The following MYH3 variants were observed in gnomAD, a reference collection of about 807,000 sequenced individuals.
MYH3 encodes the protein myosin-3.
MYH3 carries 130 observed loss-of-function variants against 238.0 expected under a neutral mutation model. The ratio of observed to expected loss-of-function variants is 0.55; its 90% CI spans 0.47 to 0.63. The LOEUF (loss-of-function observed/expected upper bound fraction) is 0.63, where lower values mean the gene tolerates loss of function less well. Among genes scored for constraint, MYH3 ranks in the 30% least tolerant of loss-of-function variants. MYH3 has a pLI of 0.00. For synonymous variants in MYH3, 880 were observed against 924.1 expected (o/e 0.95, Z 0.86); for missense variants, 1,853 against 2,374.9 (o/e 0.78, Z 4.57).
In MYH3 at chr17:10,642,096, A is replaced by T; in HGVS notation, c.1959+144T>A. On this transcript the variant is annotated intron_variant, in intron 17 of 40. Transcript: ENST00000583535. This position sits in a 1 kb window ranked among gnomAD's most constrained non-coding sequence, Gnocchi z 5.4. ...GGTTAGACCGTATTTATTATATTTT[A>T]TCATCTGTCACTTCACCTCAGTGAC... 1 of 745,452 alleles carries T rather than the reference A, an allele frequency of 1.3e-6. No individual in the cohort carries two copies. Among genetic ancestry groups the T allele is most frequent in the Non-Finnish European group, 2.3e-6 (1 of 431,554 alleles). 46.2% of individuals were successfully genotyped at this position (745,452 alleles called of 1,614,324 possible).
Position 10,638,036 on chromosome 17 carries a change from G to A in MYH3, c.3729+7C>T, listed in dbSNP as rs201166774. Reference sequence around the variant, plus strand: ...AAGCCTTGAGCCACCCCCACCCCGCGCAGCACCTTAGATTTCGACACACTC... The same window carrying A: ...AAGCCTTGAGCCACCCCCACCCCGCACAGCACCTTAGATTTCGACACACTC... On this transcript the variant is annotated splice_region_variant and intron_variant, in intron 27 of 40. Transcript: ENST00000583535. 123 of 1,612,854 alleles carry A rather than the reference G, an allele frequency of 7.6e-5. No individual in the cohort carries two copies. In the East Asian group the frequency reaches 2.3e-3, roughly 30 times the overall value.
In MYH3 at chr17:10,631,957, C is replaced by T. The variant is rs2074164756; in HGVS notation, c.5016G>A (p.Leu1672=). ...LRGQEDLKEQ[L]AIVERRANLL... is the part of the protein sequence containing the mutation. ...GGTTGGCTCTGCGCTCCACAATCGC[C>T]AGCTGCTCCTTCAGGTCCTCCTGGC... Residue 1672 remains leucine (L), a synonymous_variant, in exon 35 of 41, where the codon CTG becomes CTA. Coordinates refer to ENST00000583535, the MANE Select transcript of MYH3 (RefSeq NM_002470.4). 1 of 1,613,974 alleles carries T rather than the reference C, an allele frequency of 6.2e-7. No individual in the cohort carries two copies.
At chr17:10,673,060 G>A in the MYH3 span, 1 of 149,434 alleles carries the variant, frequency 6.7e-6, no homozygotes, top group Non-Finnish European at 1.5e-5. Flanking sequence ...CTGGAGTGCA[G>A]TGGCATGACC....
chr17:10,658,266 T>C (rs1160773719), upstream of MYH3, among the ~76,000 whole-genome samples: 2 of 152,246 alleles, frequency 1.3e-5, no homozygotes, highest in Non-Finnish European at 2.9e-5. Flanking sequence ...TTTTTTTTTC[T>C]TGACAAATCT....
At chr17:10,655,641 C>T (rs754160836) in intron 2 of MYH3, among the ~76,000 whole-genome samples, 41 of 152,120 alleles carry the variant, frequency 2.7e-4, no homozygotes, top group Non-Finnish European at 5.6e-4. Flanking sequence ...CACCTCCTCT[C>T]CCGCCTGACC....
chr17:10,672,483 A>C, the MYH3 span: 7 of 152,314 alleles, frequency 4.6e-5, no homozygotes, highest in South Asian at 8.3e-4. Flanking sequence ...GTAATTTTTA[A>C]GTAAGGTTTA....
Position 10,634,824 on chromosome 17 carries a change from A to G in MYH3, c.4356+16T>C. The stretch of plus-strand genomic sequence containing the variant: ...TTACATCATGGCATTCACCCAGCAC[A>G]CAGCGGACCCCACACCTTGTCAAAG... On this transcript the variant is annotated intron_variant, in intron 31 of 40. Coordinates refer to ENST00000583535, the MANE Select transcript of MYH3 (RefSeq NM_002470.4). The G allele has an allele frequency of 6.2e-7, 1 of 1,614,108 alleles. No individual in the cohort carries two copies. The highest frequency in any genetic ancestry group is 8.5e-7 in the Non-Finnish European group (1 of 1,180,020).
chr17:10,632,037 A>G (rs1437835888), intron 34 of MYH3, 21 bp from the exon 35 acceptor site: 1 of 1,611,060 alleles, frequency 6.2e-7, no homozygotes, highest in Non-Finnish European at 8.5e-7. Context: ...AAAAACGAAC[A>G]TTCTATTTGA....
chr17:10,640,741 G>A, intron 19 of MYH3, 55 bp from the exon 20 acceptor site: 1 of 1,595,084 alleles, frequency 6.3e-7, no homozygotes, highest in Non-Finnish European at 8.6e-7. Flanking sequence ...ACAAACCTTG[G>A]AGAACATGTA....
chr17:10,636,111 T>A (rs1187442582), intron 28 of MYH3, among the ~76,000 whole-genome samples: 2 of 151,494 alleles, frequency 1.3e-5, no homozygotes, highest in African/African-American at 4.9e-5. Flanking sequence ...GATCACAAGG[T>A]CAGGAGTTTG....
rs1305432084 is a variant in MYH3 at position 10,641,387 on chromosome 17, A to C, written c.1960-15T>G. The C allele has an allele frequency of 6.3e-7, 1 of 1,579,774 alleles. No individual in the cohort carries two copies. The highest frequency in any genetic ancestry group is 8.7e-7 in the Non-Finnish European group (1 of 1,148,890). ...TTCAGGTTTTCCTAAGAGAAAAAAA[A>C]AATGACATTTGCCATCCTACTGTAG... On this transcript the variant is annotated splice_polypyrimidine_tract_variant and intron_variant, in intron 17 of 40. Coordinates refer to ENST00000583535, the MANE Select transcript of MYH3 (RefSeq NM_002470.4).
chr17:10,656,807 T>C (rs2074436061), intron 1 of MYH3, among the ~76,000 whole-genome samples: 3 of 152,124 alleles, frequency 2.0e-5, no homozygotes, highest in African/African-American at 4.8e-5. Context: ...GCAATATCTC[T>C]GAGATTAATT....
At chr17:10,650,057 C>T (rs1223373960) in intron 6 of MYH3, among the ~76,000 whole-genome samples, 3 of 152,108 alleles carry the variant, frequency 2.0e-5, no homozygotes, top group Admixed American at 2.0e-4. Context: ...CTGCAAGCTC[C>T]GGCTCCTGGG....
chr17:10,630,744 C>T (rs768336798), intron 36 of MYH3, among the ~76,000 whole-genome samples: 16 of 151,938 alleles, frequency 1.1e-4, no homozygotes, highest in Non-Finnish European at 1.8e-4. Context: ...CCAGCTACTC[C>T]GGAGGCTGAG....
rs771466070 is a variant in MYH3, at chr17:10,638,033, C to CG, written c.3729+9dup. On this transcript the variant is annotated intron_variant, in intron 27 of 40. Transcript: ENST00000583535. ...GGAAAGCCTTGAGCCACCCCCACCC[C>CG]GCGCAGCACCTTAGATTTCGACACA... The CG allele has an allele frequency of 1.2e-6, 2 of 1,613,990 alleles. No individual in the cohort carries two copies. The highest frequency in any genetic ancestry group is 3.3e-5 in the Admixed American group (2 of 59,980).
rs747006068 is a variant in MYH3, at chr17:10,631,874, C to T, written c.5099G>A (p.Arg1700Gln). 24 of 1,614,128 alleles carry T rather than the reference C, an allele frequency of 1.5e-5. No homozygotes were observed. Among genetic ancestry groups the T allele is most frequent in the East Asian group, 1.1e-4 (5 of 44,864 alleles). The change falls in exon 35 of 41, where the codon CGG becomes CAG. Residue 1700 changes from arginine to glutamine, a missense_variant. Physicochemically the swap from Arg to Gln is conservative, Grantham distance 43 (BLOSUM62 1). Around this residue, in one of 3 missense-constraint regions of MYH3, gnomAD observed 1,044 missense variants for 1,192.6 expected, o/e 0.88. Transcript: ENST00000583535. ...CAGGAGCTCCTGTTCCGCCAGTTTC[C>T]GGGCCCTCTCCGTCTGCTCCAGAGT... ...RATLEQTERARKLAEQELLDS... is the reference protein window; with the variant it reads ...RATLEQTERAQKLAEQELLDS...
chr17:10,646,903 C>G (rs183093040), intron 10 of MYH3, among the ~76,000 whole-genome samples: 6 of 152,172 alleles, frequency 3.9e-5, no homozygotes, highest in Non-Finnish European at 8.8e-5. Flanking sequence ...CAAAAGGTAG[C>G]CTGGTGTGGG....
At position 10,642,959 on chromosome 17, in the gene MYH3, T is replaced by C. The variant is rs1023869944; in HGVS notation, c.1448A>G (p.Asn483Ser). Residue 483 changes from asparagine (N) to serine (S), a missense_variant, in exon 15 of 41, where the codon AAT becomes AGT. Coordinates refer to ENST00000583535, the MANE Select transcript of MYH3 (RefSeq NM_002470.4). This position sits in a 1 kb window ranked among gnomAD's most constrained non-coding sequence, Gnocchi z 5.4. ...SLEQLCINFT[N>S]EKLQQFFNHH... Reference sequence around the variant, plus strand: ...GTTGAAAAACTGTTGCAGTTTCTCATTGGTGAAGTTGATGCACAGCTGCTC... The same window carrying C: ...GTTGAAAAACTGTTGCAGTTTCTCACTGGTGAAGTTGATGCACAGCTGCTC... The C allele has an allele frequency of 4.3e-6, 7 of 1,614,066 alleles. No homozygotes were observed. The highest frequency in any genetic ancestry group is 5.9e-6 in the Non-Finnish European group (7 of 1,180,036).
intron 4 of MYH3, chr17:10,652,098 A>G (rs1349290974): frequency 9.4e-6 from 4 of 425,344 alleles, no homozygotes; most frequent in Non-Finnish European, 1.8e-5. Flanking sequence ...GGAGGCTACC[A>G]TTCCTATTTA....
Sources: gnomAD v4.1 joint callset for allele counts (sites outside exome capture counted in the v4.1 genomes callset) on GRCh38, gnomAD v4.1.1 for gene constraint, gnomAD v4.1.1 regional missense constraint, Gnocchi (gnomAD v3.1) non-coding constraint, MANE v1.5 for transcripts, NCBI Gene and HGNC (gene_info 2026-07-23, HGNC 2026-07-21) for gene names.